The following MYH11 variants were observed in gnomAD, a reference collection of about 807,000 sequenced individuals.
MYH11 encodes the protein myosin-11.
MYH11 carries 80 observed loss-of-function variants against 246.6 expected under a neutral mutation model. The ratio of observed to expected loss-of-function variants is 0.32; its 90% confidence interval spans 0.27 to 0.39. MYH11 has a LOEUF of 0.39. Ranked by LOEUF, MYH11 falls within the 10% of genes least tolerant of loss-of-function variation. The pLI, the probability that MYH11 is intolerant of heterozygous loss-of-function variation, is 1.00. For missense variants in MYH11, 2,158 were observed against 2,546.8 expected (o/e 0.85, Z 3.29); for synonymous variants, 1,071 against 1,015.5 (o/e 1.05, Z -1.04).
chr16:15,753,451 CGTT>C lies in MYH11; in HGVS notation c.1804_1806del (p.Asn602del). On this transcript the variant is annotated inframe_deletion, in exon 15 of 41. Transcript: ENST00000300036. ...GAGGAGGCATTGAGCAGGGAAGTCACGTTGTCATTCAGCGGGTCCATATTCTTG... is the reference window on the plus strand; with the variant it reads ...GAGGAGGCATTGAGCAGGGAAGTCACGTCATTCAGCGGGTCCATATTCTTG... The C allele has an allele frequency of 1.9e-6, 3 of 1,614,122 alleles. No individual in the cohort carries two copies. The highest frequency in any genetic ancestry group is 2.2e-5 in the East Asian group (1 of 44,882).
rs578005190 is a variant in MYH11, at chr16:15,724,364, C to T, written c.4162G>A (p.Glu1388Lys). 1 of 1,614,126 alleles carries T rather than the reference C, an allele frequency of 6.2e-7. No homozygotes were observed. Among genetic ancestry groups the T allele is most frequent in the African/African-American group, 1.3e-5 (1 of 75,032 alleles). ...CTCTTCTTCCCCTCTTCCAGAGCTT[C>T]CACGGTGCTGGCAAAGTCCTGCAGC... Reference protein sequence around the residue: ...KKLQDFASTVEALEEGKKRFQ... With the variant: ...KKLQDFASTVKALEEGKKRFQ... Residue 1388 changes from glutamate (E) to lysine (K), a missense_variant, in exon 31 of 41, where the codon GAA becomes AAA. Physicochemically the swap from Glu to Lys is moderately conservative, Grantham distance 56. Transcript: ENST00000300036.
chr16:15,719,736 C>T, intron 34 of MYH11, 23 bp from the exon 35 acceptor site: 2 of 1,613,960 alleles, frequency 1.2e-6, no homozygotes, highest in South Asian at 1.1e-5. Context: ...ACAGGGAGGA[C>T]AAGCTCAGAT....
In MYH11 at chr16:15,804,606, C is replaced by T. The variant is rs116511787; in HGVS notation, c.503-5919G>A. 1.8e-3 allele frequency among the ~76,000 whole-genome samples: 267 copies of T among 152,234 alleles called. 2 individuals carry two copies. Among genetic ancestry groups the T allele is most frequent in the African/African-American group, 6.2e-3 (259 of 41,548 alleles). ...CATTCACAATGTTACGTAACTACCA[C>T]CTTTATCTAGTTCTAAAATATTCTG... On this transcript the variant is annotated intron_variant, in intron 3 of 40. Coordinates refer to ENST00000300036, the MANE Select transcript of MYH11 (RefSeq NM_002474.3).
rs2041451845 is a variant in MYH11, at chr16:15,747,554, A to G, written c.2411+16T>C. ...ATTCGCGTTTGAGGTATTAGGATGC[A>G]GGAAAGCATCTTTACTTTCTGGCCA... On this transcript the variant is annotated intron_variant, in intron 19 of 40. Transcript: ENST00000300036. 5 of 1,614,180 alleles carry G rather than the reference A, an allele frequency of 3.1e-6. No individual in the cohort carries two copies. The South Asian group carries it at 3.3e-5, about 11-fold the overall frequency.
chr16:15,764,951 C>G (rs2041949403), intron 9 of MYH11, among the ~76,000 whole-genome samples: 1 of 152,198 alleles, frequency 6.6e-6, no homozygotes, highest in East Asian at 1.9e-4. Context: ...TCCCAGAATA[C>G]TTGGAACCTT....
intron 15 of MYH11, 120 bp downstream of exon 15, chr16:15,753,274 T>G (rs2041621849): frequency 1.2e-6 from 1 of 863,760 alleles, no homozygotes; most frequent in Non-Finnish European, 1.9e-6. Context: ...CCAATGCTCT[T>G]CCTTCCCCTG....
At chr16:15,817,694 G>T (rs1216489229) in intron 3 of MYH11, among the ~76,000 whole-genome samples, 1 of 152,096 alleles carries the variant, frequency 6.6e-6, no homozygotes, top group Non-Finnish European at 1.5e-5. Flanking sequence ...CCCAACTCCT[G>T]TGAGGCAGCA....
intron 1 of MYH11, among the ~76,000 whole-genome samples, chr16:15,853,586 C>A (rs1223742130): frequency 6.6e-6 from 1 of 152,174 alleles, no homozygotes; most frequent in Non-Finnish European, 1.5e-5. Context: ...GGATCACATA[C>A]AAGGTTTCTT....
chr16:15,728,356 A>G (rs2040860124), intron 27 of MYH11, among the ~76,000 whole-genome samples: 1 of 151,038 alleles, frequency 6.6e-6, no homozygotes, highest in Admixed American at 6.6e-5. Flanking sequence ...CAGTAATCCT[A>G]AACTTAAAAA....
At chr16:15,729,944 C>T (rs1003932850) in intron 27 of MYH11, among the ~76,000 whole-genome samples, 1 of 152,098 alleles carries the variant, frequency 6.6e-6, no homozygotes, top group Non-Finnish European at 1.5e-5. Flanking sequence ...TCTCAGCCTC[C>T]CAAAGTGCTG....
intron 5 of MYH11, chr16:15,785,011 T>A (rs2042437407): frequency 4.2e-6 from 1 of 239,192 alleles, no homozygotes; most frequent in Non-Finnish European, 7.7e-6. Context: ...TCTCTTGATT[T>A]TTTTTTTTTT....
rs1023537540 is a variant in MYH11 at position 15,743,097 on chromosome 16, T to C, written c.2521-1206A>G. Among the ~76,000 whole-genome samples the C allele has an allele frequency of 2.0e-5, 3 of 151,142 alleles. No homozygotes were observed. The East Asian group carries it at 6.0e-4, about 30-fold the overall frequency. On this transcript the variant is annotated intron_variant, in intron 20 of 40. Coordinates refer to ENST00000300036, the MANE Select transcript of MYH11 (RefSeq NM_002474.3). ...GATAGATGAACCATTATTGAACTCA[T>C]CATTCAGCTAGGACTGGACACTGAA... is the stretch of plus-strand genomic sequence containing the variant.
chr16:15,726,505 G>T (rs1245754743), intron 28 of MYH11, among the ~76,000 whole-genome samples: 1 of 151,820 alleles, frequency 6.6e-6, no homozygotes, highest in African/African-American at 2.4e-5. Context: ...CGAGTAGATG[G>T]GACTACAGGT....
intron 3 of MYH11, among the ~76,000 whole-genome samples, chr16:15,803,159 A>G (rs2042927579): frequency 6.6e-5 from 10 of 152,084 alleles, no homozygotes; most frequent in Admixed American, 6.6e-4. Context: ...AGCAGGAAAA[A>G]AGCAATCAAA....
chr16:15,763,457 G>A (rs937953656), intron 10 of MYH11, among the ~76,000 whole-genome samples: 31 of 152,120 alleles, frequency 2.0e-4, no homozygotes, highest in African/African-American at 7.2e-4. Context: ...GGAGGCCAAG[G>A]TGGGAGGATC....
At chr16:15,733,703 C>T (rs746845754) in intron 26 of MYH11, among the ~76,000 whole-genome samples, 14 of 151,998 alleles carry the variant, frequency 9.2e-5, no homozygotes, top group East Asian at 5.8e-4. Context: ...CCACCACGCC[C>T]GGCTAATTTT....
intron 40 of MYH11, among the ~76,000 whole-genome samples, chr16:15,705,728 T>C (rs139410313): frequency 1.3e-5 from 2 of 152,004 alleles, no homozygotes; most frequent in Non-Finnish European, 1.5e-5. Flanking sequence ...ACACCTGTAA[T>C]CTCAGCACTT....
intron 1 of MYH11, among the ~76,000 whole-genome samples, chr16:15,847,997 C>T (rs2044239540): frequency 6.6e-6 from 1 of 152,088 alleles, no homozygotes; most frequent in Admixed American, 6.6e-5. Flanking sequence ...ACATATTCCC[C>T]TTTCCCTCAT....
Position 15,737,436 on chromosome 16 carries a change from C to T in MYH11, c.3293+13G>A. The T allele has an allele frequency of 1.2e-6, 2 of 1,610,300 alleles. No homozygotes were observed. Among genetic ancestry groups the T allele is most frequent in the South Asian group, 1.1e-5 (1 of 91,062 alleles). ...ATGGACACACAGCAAATGCCCCTTG[C>T]CAGCCCCGCTACCTGGCCAGGGCCG... On this transcript the variant is annotated intron_variant, in intron 25 of 40. Coordinates refer to ENST00000300036, the MANE Select transcript of MYH11 (RefSeq NM_002474.3).
Sources: gnomAD v4.1 joint callset for allele counts (sites outside exome capture counted in the v4.1 genomes callset) on GRCh38, gnomAD v4.1.1 for gene constraint, MANE v1.5 for transcripts, NCBI Gene and HGNC (gene_info 2026-07-23, HGNC 2026-07-21) for gene names.